The following GFOD1 variants were observed in gnomAD, a reference collection of about 807,000 sequenced individuals.
GFOD1 encodes glucose-fructose oxidoreductase domain-containing protein 1.
GFOD1 carries 9 observed loss-of-function variants against 25.4 expected under a neutral mutation model. The observed-to-expected ratio is 0.35, with a 90% CI of 0.21 to 0.62. GFOD1 has a LOEUF of 0.62. GFOD1 is among the 20% of genes least tolerant of loss of function. The pLI, the probability that GFOD1 is intolerant of heterozygous loss-of-function variation, is 0.72. For synonymous variants in GFOD1, 253 were observed against 245.6 expected, an observed-to-expected ratio of 1.03 and a Z score of -0.28; for missense variants, 403 against 556.9, an observed-to-expected ratio of 0.72 and a Z score of 2.78.
chr6:13,416,584 A>G (rs1476414762), intron 1 of GFOD1, among the ~76,000 whole-genome samples: 1 of 152,156 alleles, frequency 6.6e-6, no homozygotes, highest in Non-Finnish European at 1.5e-5. Context: ...CACAAAAGGG[A>G]TAGTGTCATT....
chr6:13,428,512 TGCGATGC>T (rs112869868), intron 1 of GFOD1, among the ~76,000 whole-genome samples: 25,194 of 51,140 alleles, frequency 0.49, 4,652 homozygotes, highest in African/African-American at 0.57. Flanking sequence ...CCCAGTGCGA[TGCGATGC>T]GCTGGCTTTT....
At chr6:13,451,456 A>G (rs192162381) in intron 1 of GFOD1, among the ~76,000 whole-genome samples, 1 of 152,304 alleles carries the variant, frequency 6.6e-6, no homozygotes, top group African/African-American at 2.4e-5. Flanking sequence ...GAGAGCTTGT[A>G]GAGAACACAG....
At chr6:13,391,744 C>T (rs1584623453) in intron 1 of GFOD1, among the ~76,000 whole-genome samples, 1 of 152,154 alleles carries the variant, frequency 6.6e-6, no homozygotes, top group African/African-American at 2.4e-5. Flanking sequence ...CTTAATCTCC[C>T]TAATCCTCAA....
Position 13,412,331 on chromosome 6 carries a change from C to A in GFOD1, c.254-46669G>T, listed in dbSNP as rs544233705. ...TGACGCAGACACAACAGAGGGAAGA[C>A]CCTGTGAGGACACAGAGAAGACACC... is the stretch of plus-strand genomic sequence containing the variant. On this transcript the variant is annotated intron_variant, in intron 1 of 1. Coordinates refer to ENST00000379287, the MANE Select transcript of GFOD1 (RefSeq NM_018988.4). Among the ~76,000 whole-genome samples, 19 of 152,280 alleles carry A rather than the reference C, an allele frequency of 1.2e-4. No homozygotes were observed. The South Asian group carries it at 3.7e-3, about 30-fold the overall frequency.
intron 1 of GFOD1, among the ~76,000 whole-genome samples, chr6:13,418,686 G>A (rs1443155805): frequency 6.6e-6 from 1 of 152,166 alleles, no homozygotes; most frequent in Non-Finnish European, 1.5e-5. Context: ...TTAGAACTGT[G>A]AGATGTTAAA....
intron 1 of GFOD1, among the ~76,000 whole-genome samples, chr6:13,442,623 A>G: frequency 6.6e-6 from 1 of 152,220 alleles, no homozygotes; most frequent in East Asian, 1.9e-4. Context: ...GCCAAAATTC[A>G]TTTACCATTC....
intron 1 of GFOD1, among the ~76,000 whole-genome samples, chr6:13,435,214 C>A (rs1392264408): frequency 1.3e-5 from 2 of 152,284 alleles, no homozygotes; most frequent in African/African-American, 4.8e-5. Flanking sequence ...AGCAGAGAAC[C>A]CTTGAAGAGT....
chr6:13,376,000 G>A (rs1466341420), intron 1 of GFOD1, among the ~76,000 whole-genome samples: 2 of 152,168 alleles, frequency 1.3e-5, no homozygotes, highest in Non-Finnish European at 2.9e-5. Flanking sequence ...TTCCAGCAGG[G>A]GCATTCCCCA....
intron 1 of GFOD1, among the ~76,000 whole-genome samples, chr6:13,410,425 G>C (rs1294235663): frequency 6.6e-6 from 1 of 152,054 alleles, no homozygotes; most frequent in Non-Finnish European, 1.5e-5. Context: ...AAATTAGCTG[G>C]GGGTGGTGGT....
intron 1 of GFOD1, chr6:13,470,516 T>C: frequency 1.3e-6 from 2 of 1,549,852 alleles, no homozygotes; most frequent in Non-Finnish European, 1.7e-6. Context: ...GGTAAACAAA[T>C]GTCCCATGTG....
intron 1 of GFOD1, among the ~76,000 whole-genome samples, chr6:13,469,101 C>A (rs1758430538): frequency 6.6e-6 from 1 of 152,156 alleles, no homozygotes; most frequent in African/African-American, 2.4e-5. Flanking sequence ...GGGGACTTCC[C>A]AGAACTCAGT....
intron 1 of GFOD1, 68 bp downstream of exon 1, chr6:13,486,570 G>C: frequency 7.5e-7 from 1 of 1,338,288 alleles, no homozygotes; most frequent in Non-Finnish European, 1.1e-6. Context: ...GAAAGGCAGG[G>C]GGGAAGGAAC....
intron 1 of GFOD1, among the ~76,000 whole-genome samples, chr6:13,436,978 C>T (rs137868168): frequency 2.0e-5 from 3 of 152,322 alleles, no homozygotes; most frequent in Non-Finnish European, 2.9e-5. Flanking sequence ...GCTGGTCCAA[C>T]GGCATCAGCC....
chr6:13,471,219 T>A (rs1758497006), intron 1 of GFOD1, among the ~76,000 whole-genome samples: 1 of 152,126 alleles, frequency 6.6e-6, no homozygotes, highest in African/African-American at 2.4e-5. Context: ...TTCTCGAAAG[T>A]TCTTGCAGGA....
intron 1 of GFOD1, among the ~76,000 whole-genome samples, chr6:13,440,389 C>T (rs1757896419): frequency 6.6e-6 from 1 of 152,268 alleles, no homozygotes; most frequent in Non-Finnish European, 1.5e-5. Flanking sequence ...CAGGGTTTCA[C>T]CATGTTGGCC....
rs557042616 is a variant in GFOD1, at chr6:13,360,898, G to A, written c.*3845C>T. ...CTCTTCCTGGGAGGCAGTGTGGTCTGGAGGAGAAGATTAAGGATTTGAATG... is the reference window on the plus strand; with the variant it reads ...CTCTTCCTGGGAGGCAGTGTGGTCTAGAGGAGAAGATTAAGGATTTGAATG... On this transcript the variant is annotated 3_prime_UTR_variant, in exon 2 of 2. Coordinates refer to ENST00000379287, the MANE Select transcript of GFOD1 (RefSeq NM_018988.4). 190 of 455,944 alleles carry A rather than the reference G, an allele frequency of 4.2e-4. 1 individual carries two copies. The highest frequency in any genetic ancestry group is 2.9e-3 in the South Asian group (188 of 64,560). The allele number at this position is 455,944 out of a possible 1,614,324, so 28.2% of individuals were successfully genotyped here. A position where few individuals can be genotyped will look rare whatever the true frequency, so the allele number is the denominator to read the frequency against.
chr6:13,443,484 AAT>A, intron 1 of GFOD1, among the ~76,000 whole-genome samples: 3 of 3,278 alleles, frequency 9.2e-4, no homozygotes, highest in Non-Finnish European at 0.014. Context: ...AAAGGAAATC[AAT>A]CAATCAATGC....
chr6:13,462,872 T>G (rs1273328649), intron 1 of GFOD1, among the ~76,000 whole-genome samples: 2 of 152,222 alleles, frequency 1.3e-5, no homozygotes, highest in African/African-American at 4.8e-5. Context: ...ATTCTGCCTC[T>G]CGGCTGAGAG....
At chr6:13,374,271 TTTTGTGTG>T (rs1785210064) in intron 1 of GFOD1, among the ~76,000 whole-genome samples, 1 of 134,412 alleles carries the variant, frequency 7.4e-6, no homozygotes, top group African/African-American at 3.0e-5. Context: ...TATGTTTTTT[TTTTGTGTG>T]TGTGTGTGTG....
Sources: gnomAD v4.1 joint callset for allele counts (sites outside exome capture counted in the v4.1 genomes callset) on GRCh38, gnomAD v4.1.1 for gene constraint, MANE v1.5 for transcripts, NCBI Gene and HGNC (gene_info 2026-07-23, HGNC 2026-07-21) for gene names.